Variants in SHISA9 observed in about 807,000 individuals in gnomAD.
SHISA9 encodes the protein shisa family member 9.
A neutral mutation model predicts 38.0 loss-of-function variants in SHISA9; 13 were observed. The observed-to-expected ratio is 0.34, with a 90% CI of 0.22 to 0.54. The LOEUF is 0.54. Among genes scored for constraint, SHISA9 ranks in the 20% least tolerant of loss-of-function variants. The pLI, the probability that SHISA9 is intolerant of heterozygous loss-of-function variation, is 0.91. For synonymous variants in SHISA9, 275 were observed against 242.0 expected, an observed-to-expected ratio of 1.14 and a Z score of -1.27; for missense variants, 538 against 575.8, an observed-to-expected ratio of 0.93 and a Z score of 0.67.
At chr16:13,201,324 C>G (rs1187017281) in intron 2 of SHISA9, among the ~76,000 whole-genome samples, 1 of 135,596 alleles carries the variant, frequency 7.4e-6, no homozygotes, top group Non-Finnish European at 1.6e-5. Context: ...TACTCACATC[C>G]TCTCATATAC....
the SHISA9 span, among the ~76,000 whole-genome samples, chr16:13,287,622 A>T: frequency 3.3e-5 from 5 of 152,134 alleles, no homozygotes; most frequent in Non-Finnish European, 5.9e-5. Context: ...GCTGGAAGGG[A>T]TAGTGGGAGT....
At chr16:13,368,257 G>A in the SHISA9 span, among the ~76,000 whole-genome samples, 1 of 152,154 alleles carries the variant, frequency 6.6e-6, no homozygotes, top group Admixed American at 6.5e-5. Flanking sequence ...AGCTAGAGGT[G>A]CTTCTGAGGC....
chr16:13,190,722 C>A (rs2050876816), intron 2 of SHISA9, among the ~76,000 whole-genome samples: 1 of 152,222 alleles, frequency 6.6e-6, no homozygotes, highest in African/African-American at 2.4e-5. Flanking sequence ...AAATGAATCT[C>A]TGTCCCCCAG....
chr16:13,531,910 T>C, the SHISA9 span, among the ~76,000 whole-genome samples: 3 of 152,174 alleles, frequency 2.0e-5, no homozygotes, highest in South Asian at 4.1e-4. Flanking sequence ...TTCATACCTT[T>C]CTCCCATTTA....
intron 2 of SHISA9, among the ~76,000 whole-genome samples, chr16:13,086,478 G>A (rs993072418): frequency 1.3e-5 from 2 of 151,970 alleles, no homozygotes; most frequent in Admixed American, 6.6e-5. Flanking sequence ...ACAGATGTGA[G>A]GAAATTAGGA....
chr16:12,950,261 A>G (rs1596545385), intron 2 of SHISA9, among the ~76,000 whole-genome samples: 1 of 152,144 alleles, frequency 6.6e-6, no homozygotes, highest in Non-Finnish European at 1.5e-5. Context: ...TTCTCTATCC[A>G]TTCTTTGGTG....
chr16:13,261,662 T>C, the SHISA9 span, among the ~76,000 whole-genome samples: 2 of 152,232 alleles, frequency 1.3e-5, no homozygotes, highest in Non-Finnish European at 2.9e-5. Flanking sequence ...TACAAAATTT[T>C]ATAACTTCAG....
chr16:13,522,501 C>T, the SHISA9 span, among the ~76,000 whole-genome samples: 1 of 152,086 alleles, frequency 6.6e-6, no homozygotes, highest in South Asian at 2.1e-4. Context: ...GAGGAGTCCC[C>T]CCCCGATTTC....
intron 2 of SHISA9, among the ~76,000 whole-genome samples, chr16:13,192,186 A>T (rs2142041969): frequency 6.6e-6 from 1 of 152,200 alleles, no homozygotes; most frequent in Non-Finnish European, 1.5e-5. Context: ...GTATGCAGGG[A>T]CATGAAGATG....
At chr16:12,970,438 TACAC>T (rs1162079121) in intron 2 of SHISA9, among the ~76,000 whole-genome samples, 3,000 of 54,468 alleles carry the variant, frequency 0.055, 107 homozygotes, top group Non-Finnish European at 0.077. Context: ...TATATATATA[TACAC>T]ACATATATAT....
chr16:13,105,091 A>G (rs251920), intron 2 of SHISA9, among the ~76,000 whole-genome samples: 35,290 of 152,042 alleles, frequency 0.23, 4,244 homozygotes, highest in Non-Finnish European at 0.25. Flanking sequence ...ATAATAAACA[A>G]TAAAATATAT....
At chr16:13,277,316 G>A in the SHISA9 span, among the ~76,000 whole-genome samples, 8 of 152,096 alleles carry the variant, frequency 5.3e-5, no homozygotes, top group South Asian at 1.5e-3. Context: ...AGGTGACTAT[G>A]GCCTTATGGT....
chr16:12,984,950 C>T (rs991624), intron 2 of SHISA9, among the ~76,000 whole-genome samples: 43,901 of 151,986 alleles, frequency 0.29, 6,545 homozygotes, highest in Middle Eastern at 0.34. Context: ...GAGCTCCCGA[C>T]GGGATTAGGC....
chr16:13,090,614 G>A (rs1238992847), intron 2 of SHISA9, among the ~76,000 whole-genome samples: 4 of 151,788 alleles, frequency 2.6e-5, no homozygotes, highest in African/African-American at 9.7e-5. Flanking sequence ...TGAGAGGCTA[G>A]GATTGCAACT....
At chr16:13,296,265 G>C in the SHISA9 span, among the ~76,000 whole-genome samples, 4 of 150,892 alleles carry the variant, frequency 2.7e-5, no homozygotes, top group Non-Finnish European at 5.9e-5. Context: ...CTTTTTGGCA[G>C]AAACAGATGC....
At chr16:13,561,450 C>T in the SHISA9 span, among the ~76,000 whole-genome samples, 1 of 152,194 alleles carries the variant, frequency 6.6e-6, no homozygotes, top group African/African-American at 2.4e-5. Flanking sequence ...TACTGTGAAG[C>T]ATTCTAAGTG....
At position 12,933,070 on chromosome 16, in the gene SHISA9, A is replaced by G. The variant is rs563318895; in HGVS notation, c.691+16255A>G. On this transcript the variant is annotated intron_variant, in intron 2 of 4. Transcript: ENST00000558583. The stretch of plus-strand genomic sequence containing the variant: ...TTGATGGATTGGGAAGGCCTCAAAT[A>G]CGTAGTGCCTAACATATGGTGTTTG... Among the ~76,000 whole-genome samples the G allele has an allele frequency of 9.2e-5, 14 of 152,366 alleles. No individual in the cohort carries two copies. In the South Asian group the frequency reaches 2.7e-3, roughly 29 times the overall value.
the SHISA9 span, among the ~76,000 whole-genome samples, chr16:13,547,224 G>T: frequency 1.3e-5 from 2 of 152,096 alleles, no homozygotes; most frequent in African/African-American, 4.8e-5. Context: ...AATGATTCTT[G>T]TCTTTTTAGA....
At chr16:13,386,688 T>G in the SHISA9 span, among the ~76,000 whole-genome samples, 120 of 152,368 alleles carry the variant, frequency 7.9e-4, no homozygotes, top group African/African-American at 2.6e-3. Context: ...CAAACGATGT[T>G]ATGCTTCTAT....
Sources: gnomAD v4.1 joint callset for allele counts (sites outside exome capture counted in the v4.1 genomes callset) on GRCh38, gnomAD v4.1.1 for gene constraint, MANE v1.5 for transcripts, NCBI Gene and HGNC (gene_info 2026-07-23, HGNC 2026-07-21) for gene names.